The following PRELID2 variants were observed in gnomAD, a reference collection of about 807,000 sequenced individuals.
The protein encoded by PRELID2 is PRELI domain-containing protein 2.
PRELID2 carries 25 observed loss-of-function variants against 28.4 expected under a neutral mutation model. The observed-to-expected ratio is 0.88, with a 90% CI of 0.64 to 1.23. The LOEUF (loss-of-function observed/expected upper bound fraction) is 1.23, where lower values mean the gene tolerates loss of function less well. Ranked by LOEUF, PRELID2 falls within the 50% of genes most tolerant of loss-of-function variation. PRELID2 has a pLI of 0.00. For synonymous variants in PRELID2, 76 were observed against 71.6 expected (o/e 1.06, Z -0.31); for missense variants, 201 against 214.4 (o/e 0.94, Z 0.39).
chr5:145,723,591 T>A (rs550250397), intron 1 of PRELID2, among the ~76,000 whole-genome samples: 1 of 152,212 alleles, frequency 6.6e-6, no homozygotes, highest in Non-Finnish European at 1.5e-5. Context: ...CTTAATCATA[T>A]GAAACTATTT....
intron 1 of PRELID2, among the ~76,000 whole-genome samples, chr5:145,662,746 G>A (rs1445363862): frequency 1.3e-5 from 2 of 152,076 alleles, no homozygotes; most frequent in Admixed American, 1.3e-4. Flanking sequence ...GTAATTCTCT[G>A]AGCCACCTTG....
chr5:145,765,986 A>G (rs1477245929), intron 5 of PRELID2, among the ~76,000 whole-genome samples: 1 of 152,178 alleles, frequency 6.6e-6, no homozygotes, highest in East Asian at 1.9e-4. Context: ...TGCAATGTTC[A>G]TTTTTCTACT....
At chr5:145,406,590 T>A in the PRELID2 span, among the ~76,000 whole-genome samples, 1 of 152,146 alleles carries the variant, frequency 6.6e-6, no homozygotes, top group Non-Finnish European at 1.5e-5. Flanking sequence ...AATGTGGAGC[T>A]CCCACTTGGA....
the PRELID2 span, among the ~76,000 whole-genome samples, chr5:145,432,277 T>C: frequency 1.3e-5 from 2 of 152,072 alleles, no homozygotes; most frequent in East Asian, 3.9e-4. Flanking sequence ...CTTTTGGCTG[T>C]TGTAGTTTAG....
At chr5:145,697,400 A>G (rs138711563) in intron 1 of PRELID2, among the ~76,000 whole-genome samples, 12 of 151,988 alleles carry the variant, frequency 7.9e-5, no homozygotes, top group Non-Finnish European at 1.5e-4. Flanking sequence ...ATTTGAACCC[A>G]TATATGTCTG....
chr5:145,754,258 C>T (rs1420430710), downstream of PRELID2: 1 of 152,208 alleles, frequency 6.6e-6, no homozygotes, highest in East Asian at 1.9e-4. Flanking sequence ...AAAGGTATAA[C>T]ATGCCCTTCT....
intron 1 of PRELID2, among the ~76,000 whole-genome samples, chr5:145,741,385 A>G (rs1756732502): frequency 3.9e-5 from 4 of 103,714 alleles, no homozygotes; most frequent in Non-Finnish European, 7.0e-5. Context: ...TTTTATTTAT[A>G]AATTATTTAT....
chr5:145,607,185 A>G (rs1753517976), intron 1 of PRELID2, among the ~76,000 whole-genome samples: 1 of 152,090 alleles, frequency 6.6e-6, no homozygotes. Context: ...TATTCTTTCA[A>G]AGAACAAAAT....
chr5:145,689,607 T>G (rs1755104257), intron 1 of PRELID2, among the ~76,000 whole-genome samples: 1 of 152,160 alleles, frequency 6.6e-6, no homozygotes. Context: ...GGCTTCTGTC[T>G]CCATAAATAC....
chr5:145,623,347 C>A (rs1240159076), intron 1 of PRELID2, among the ~76,000 whole-genome samples: 1 of 151,766 alleles, frequency 6.6e-6, no homozygotes, highest in Non-Finnish European at 1.5e-5. Context: ...ACTCGGGAGG[C>A]TGAGACAAGA....
chr5:145,401,657 C>A, the PRELID2 span, among the ~76,000 whole-genome samples: 4 of 152,150 alleles, frequency 2.6e-5, no homozygotes, highest in Non-Finnish European at 5.9e-5. Context: ...CTCAGCCCAT[C>A]CCACCATTAC....
the PRELID2 span, among the ~76,000 whole-genome samples, chr5:145,275,995 G>GC: frequency 6.6e-6 from 1 of 152,114 alleles, no homozygotes; most frequent in African/African-American, 2.4e-5. Flanking sequence ...ACACAAAGTA[G>GC]CATTCAGGAC....
intron 1 of PRELID2, among the ~76,000 whole-genome samples, chr5:145,615,089 G>C (rs925322881): frequency 1.3e-5 from 2 of 152,018 alleles, no homozygotes; most frequent in African/African-American, 4.8e-5. Context: ...GGGAGCTCCA[G>C]TGTTAGATGC....
At chr5:145,230,347 G>A in the PRELID2 span, among the ~76,000 whole-genome samples, 1 of 152,188 alleles carries the variant, frequency 6.6e-6, no homozygotes, top group African/African-American at 2.4e-5. Flanking sequence ...GCTGACGTGG[G>A]TGGATCATGA....
the PRELID2 span, among the ~76,000 whole-genome samples, chr5:145,401,714 G>A: frequency 6.6e-6 from 1 of 152,140 alleles, no homozygotes; most frequent in Non-Finnish European, 1.5e-5. Flanking sequence ...TGGACTTGAT[G>A]TGCACATTTA....
At chr5:145,809,883 C>T (rs1036033481) in intron 4 of PRELID2, among the ~76,000 whole-genome samples, 1 of 152,152 alleles carries the variant, frequency 6.6e-6, no homozygotes, top group African/African-American at 2.4e-5. Flanking sequence ...TTGCAGTACT[C>T]GGATAAAGCA....
At chr5:145,390,750 A>C in the PRELID2 span, among the ~76,000 whole-genome samples, 1 of 152,130 alleles carries the variant, frequency 6.6e-6, no homozygotes, top group Admixed American at 6.5e-5. Flanking sequence ...TCCACATCCA[A>C]AGTCTCATCT....
intron 1 of PRELID2, among the ~76,000 whole-genome samples, chr5:145,513,971 G>T (rs1195710354): frequency 2.0e-5 from 3 of 152,074 alleles, no homozygotes; most frequent in Non-Finnish European, 2.9e-5. Flanking sequence ...CACCAGACCT[G>T]TCTTACAAGA....
At position 145,756,656 on chromosome 5, in the gene PRELID2, A is replaced by C. The variant is rs1169755955; in HGVS notation, c.*3880T>G. On this transcript the variant is annotated 3_prime_UTR_variant, in exon 7 of 7. Transcript: ENST00000683046. ...GAGGATAAAGAAGTAAGTTAGGGGA[A>C]GAGAGTTGAGCCACTGAAATAATGT... Among the ~76,000 whole-genome samples, 1 of 152,252 alleles carries C rather than the reference A, an allele frequency of 6.6e-6. No homozygotes were observed. The highest frequency in any genetic ancestry group is 2.4e-5 in the African/African-American group (1 of 41,474).
Sources: allele counts gnomAD v4.1 joint callset (sites outside exome capture counted in the v4.1 genomes callset), GRCh38; gene constraint gnomAD v4.1.1; transcripts MANE v1.5; gene names NCBI Gene and HGNC (gene_info 2026-07-23, HGNC 2026-07-21).